Variants in TDRD1 observed in about 807,000 individuals in gnomAD.
The protein encoded by TDRD1 is tudor domain-containing protein 1.
TDRD1 carries 37 observed loss-of-function variants against 140.6 expected under a neutral mutation model. The ratio of observed to expected loss-of-function variants is 0.26; its 90% CI spans 0.20 to 0.35. The LOEUF (loss-of-function observed/expected upper bound fraction) is 0.35, where lower values mean the gene tolerates loss of function less well. TDRD1 is among the 10% of genes least tolerant of loss of function. TDRD1 has a pLI of 1.00. For synonymous variants in TDRD1, 506 were observed against 475.7 expected (o/e 1.06, Z -0.83); for missense variants, 1,243 against 1,393.0 (o/e 0.89, Z 1.71).
chr10:114,213,077 T>C (rs895888180), intron 14 of TDRD1, among the ~76,000 whole-genome samples: 1 of 152,338 alleles, frequency 6.6e-6, no homozygotes, highest in East Asian at 1.9e-4. Context: ...GCTTTTTCTT[T>C]TTTTTCTTGG....
chr10:114,197,418 A>G (rs986820302), intron 3 of TDRD1, among the ~76,000 whole-genome samples: 5 of 151,840 alleles, frequency 3.3e-5, no homozygotes, highest in Admixed American at 2.0e-4. Flanking sequence ...TTGGTTCTTT[A>G]TATCTTTTAT....
chr10:114,203,930 T>C lies in TDRD1; in HGVS notation c.982-143T>C. On this transcript the variant is annotated intron_variant, in intron 8 of 25. Transcript: ENST00000251864. Reference sequence around the variant, plus strand: ...TTTAGGGATTTCTTAGCAAGATTCTTAAAAAATTAAGTTGGCTTATTAATT... The same window carrying C: ...TTTAGGGATTTCTTAGCAAGATTCTCAAAAAATTAAGTTGGCTTATTAATT... 3 of 977,158 alleles carry C rather than the reference T, an allele frequency of 3.1e-6. No homozygotes were observed. In the South Asian group the frequency reaches 4.9e-5, roughly 16 times the overall value. 60.5% of individuals were successfully genotyped at this position (977,158 alleles called of 1,614,324 possible).
At chr10:114,204,919 TAC>T in intron 10 of TDRD1, 26 bp downstream of exon 10, 2 of 1,550,056 alleles carry the variant, frequency 1.3e-6, no homozygotes, top group Non-Finnish European at 8.7e-7. Flanking sequence ...TTAAATTGAG[TAC>T]TTAATAGGAT....
intron 18 of TDRD1, among the ~76,000 whole-genome samples, chr10:114,219,529 TCTG>T (rs1454389656): frequency 4.6e-5 from 7 of 152,156 alleles, no homozygotes; most frequent in Admixed American, 4.6e-4. Context: ...ATTTATTTCT[TCTG>T]CTAATCTGTT....
chr10:114,201,607 T>G, intron 5 of TDRD1, 92 bp downstream of exon 5: 2 of 977,936 alleles, frequency 2.0e-6, no homozygotes, highest in Admixed American at 2.4e-5. Context: ...CACAACCAAG[T>G]AGAAGTTACT....
chr10:114,217,509 A>G (rs937126626), intron 16 of TDRD1, 36 bp from the exon 17 acceptor site: 3 of 1,134,638 alleles, frequency 2.6e-6, no homozygotes, highest in East Asian at 2.5e-5. Flanking sequence ...ATTTTTTAAT[A>G]TGTTCTTAAT....
intron 21 of TDRD1, among the ~76,000 whole-genome samples, chr10:114,225,597 C>T (rs925633098): frequency 5.9e-5 from 9 of 151,872 alleles, no homozygotes; most frequent in South Asian, 2.1e-4. Context: ...CAGTGGCTCA[C>T]GCCTGTAATC....
At chr10:114,220,169 C>T (rs973658531) in intron 18 of TDRD1, among the ~76,000 whole-genome samples, 3 of 152,142 alleles carry the variant, frequency 2.0e-5, no homozygotes, top group Non-Finnish European at 1.5e-5. Context: ...TTTTTGCTTA[C>T]ATAATGAAAA....
chr10:114,228,000 T>C, intron 24 of TDRD1, 38 bp from the exon 25 acceptor site: 1 of 1,611,254 alleles, frequency 6.2e-7, no homozygotes. Context: ...CCTAACGTTT[T>C]TAGAAATTAA....
chr10:114,178,754 G>A (rs759037698), upstream of TDRD1, among the ~76,000 whole-genome samples: 11 of 151,692 alleles, frequency 7.3e-5, no homozygotes, highest in Non-Finnish European at 1.3e-4. Context: ...AACATTGCCC[G>A]AAGAGTGCCT....
chr10:114,185,836 G>A (rs1399071484), intron 1 of TDRD1, among the ~76,000 whole-genome samples: 2 of 152,102 alleles, frequency 1.3e-5, no homozygotes, highest in Non-Finnish European at 2.9e-5. Context: ...TGATCCACCT[G>A]CCTTGGCCTC....
intron 6 of TDRD1, among the ~76,000 whole-genome samples, chr10:114,202,823 T>A (rs1422155960): frequency 6.6e-6 from 1 of 152,030 alleles, no homozygotes; most frequent in Non-Finnish European, 1.5e-5. Context: ...ACCATTTTCA[T>A]TTTTTTTGAA....
chr10:114,187,190 A>T (rs951537586), intron 1 of TDRD1, among the ~76,000 whole-genome samples: 1 of 152,210 alleles, frequency 6.6e-6, no homozygotes, highest in Non-Finnish European at 1.5e-5. Context: ...AGAAAGATGC[A>T]TAGATAGGTC....
exon 15 of TDRD1, chr10:114,213,515 C>G (rs534677101): frequency 1.2e-6 from 2 of 1,613,736 alleles, no homozygotes; most frequent in South Asian, 1.1e-5. Flanking sequence ...GCAAAGTTCT[C>G]CTAGATGCAG....
intron 3 of TDRD1, among the ~76,000 whole-genome samples, chr10:114,195,662 GTC>G (rs1364070395): frequency 1.3e-5 from 2 of 151,736 alleles, no homozygotes; most frequent in African/African-American, 2.4e-5. Flanking sequence ...TTTACTTTCG[GTC>G]TCTCTATATT....
intron 9 of TDRD1, 145 bp downstream of exon 9, chr10:114,204,361 C>A: frequency 1.1e-6 from 1 of 914,578 alleles, no homozygotes; most frequent in Non-Finnish European, 1.5e-6. Flanking sequence ...GCTATCTTGA[C>A]CTTATTTAGT....
chr10:114,224,983 G>C (rs1333495285), intron 21 of TDRD1, among the ~76,000 whole-genome samples: 2 of 152,222 alleles, frequency 1.3e-5, no homozygotes, highest in Non-Finnish European at 2.9e-5. Context: ...CACTGTGGGT[G>C]ATCTGGCTCT....
intron 16 of TDRD1, among the ~76,000 whole-genome samples, chr10:114,216,537 T>G (rs568674603): frequency 7.2e-5 from 11 of 152,130 alleles, no homozygotes; most frequent in Non-Finnish European, 1.5e-4. Context: ...AACCTAAGTG[T>G]GGATACACAC....
intron 18 of TDRD1, 101 bp from the exon 19 acceptor site, chr10:114,220,467 G>C (rs1417406381): frequency 2.7e-6 from 2 of 750,434 alleles, no homozygotes; most frequent in African/African-American, 1.8e-5. Context: ...GAGAATTGCT[G>C]ACCTGAAAGT....
Sources: gnomAD v4.1 joint callset for allele counts (sites outside exome capture counted in the v4.1 genomes callset) on GRCh38, gnomAD v4.1.1 for gene constraint, MANE v1.5 for transcripts, NCBI Gene and HGNC (gene_info 2026-07-23, HGNC 2026-07-21) for gene names.